STEAP3: variants seen among roughly 807,000 people sequenced by gnomAD.
STEAP3 encodes metalloreductase STEAP3.
In STEAP3, 35 loss-of-function variants were observed where a neutral mutation model predicts 34.9. The observed-to-expected ratio is 1.00, with a 90% confidence interval of 0.76 to 1.33. The LOEUF (loss-of-function observed/expected upper bound fraction) is 1.33. STEAP3 is among the 40% of genes most tolerant of loss of function. The pLI is 0.00. For synonymous variants in STEAP3, 281 were observed against 301.6 expected (o/e 0.93, Z 0.71); for missense variants, 652 against 667.6 (o/e 0.98, Z 0.26).
chr2:119,233,751 C>T (rs563882937), intron 2 of STEAP3, among the ~76,000 whole-genome samples: 15 of 152,322 alleles, frequency 9.8e-5, no homozygotes, highest in African/African-American at 3.1e-4. Flanking sequence ...AGTCCCAGAG[C>T]GTGAAGTCCT....
chr2:119,231,088 T>C, intron 2 of STEAP3, 54 bp downstream of exon 2: 1 of 1,610,994 alleles, frequency 6.2e-7, no homozygotes, highest in Admixed American at 1.7e-5. Flanking sequence ...TGCAAACCCC[T>C]CCCACCAGCT....
chr2:119,238,500 G>C (rs1677152402), intron 2 of STEAP3, among the ~76,000 whole-genome samples: 1 of 152,120 alleles, frequency 6.6e-6, no homozygotes, highest in African/African-American at 2.4e-5. Flanking sequence ...TTAATACCGA[G>C]GTGTAAGAGT....
chr2:119,226,245 C>T (rs536484567), intron 1 of STEAP3, among the ~76,000 whole-genome samples: 1 of 152,314 alleles, frequency 6.6e-6, no homozygotes, highest in East Asian at 1.9e-4. Context: ...GGAAGCAGGT[C>T]ATTTGGGGAG....
chr2:119,247,596 T>C, intron 3 of STEAP3, 83 bp from the exon 4 acceptor site: 1 of 1,428,100 alleles, frequency 7.0e-7, no homozygotes, highest in Non-Finnish European at 9.2e-7. Flanking sequence ...CCTCTGGCCC[T>C]CGGTTTCCTC....
At chr2:119,247,515 C>A (rs908764287) in intron 3 of STEAP3, among the ~76,000 whole-genome samples, 164 bp from the exon 4 acceptor site, 8 of 152,214 alleles carry the variant, frequency 5.3e-5, no homozygotes, top group South Asian at 2.1e-4. Flanking sequence ...AGACCCCTAG[C>A]CTGGGAGCTA....
Position 119,264,841 on chromosome 2 carries a change from T to A in STEAP3, c.*1503T>A, listed in dbSNP as rs1239481787. 1 of 150,454 alleles carries A rather than the reference T, an allele frequency of 6.6e-6. No individual in the cohort carries two copies. 9.3% of individuals were successfully genotyped at this position (150,454 alleles called of 1,614,324 possible). ...CAGGGAGGTTTCATGAGCTCATGTC[T>A]ATGCAGCACATAAGGGTTCTTCAGT... On this transcript the variant is annotated 3_prime_UTR_variant, in exon 6 of 6. Coordinates refer to ENST00000393110, the MANE Select transcript of STEAP3 (RefSeq NM_182915.3).
chr2:119,254,970 T>A (rs1050541133), intron 5 of STEAP3, 122 bp downstream of exon 5: 84 of 1,276,718 alleles, frequency 6.6e-5, no homozygotes, highest in Non-Finnish European at 8.4e-5. Context: ...GACCACTCGG[T>A]GAGATGCCAG....
intron 5 of STEAP3, 145 bp downstream of exon 5, chr2:119,254,993 CA>C: frequency 1.9e-6 from 2 of 1,056,904 alleles, no homozygotes; most frequent in Non-Finnish European, 2.7e-6. Flanking sequence ...CTTCCTGACC[CA>C]GAGGGCCCAT....
intron 2 of STEAP3, among the ~76,000 whole-genome samples, chr2:119,237,217 G>C (rs1677117883): frequency 6.6e-6 from 1 of 152,214 alleles, no homozygotes; most frequent in Non-Finnish European, 1.5e-5. Context: ...AGGTCAGCCA[G>C]CAAGGGCCCA....
chr2:119,248,458 A>G, intron 4 of STEAP3: 1 of 509,882 alleles, frequency 2.0e-6, no homozygotes, highest in South Asian at 3.1e-5. Flanking sequence ...AAAATACAGC[A>G]GTGAGTCATA....
intron 5 of STEAP3, chr2:119,257,696 G>T (rs981972455): frequency 7.1e-7 from 1 of 1,411,038 alleles, no homozygotes; most frequent in Non-Finnish European, 9.2e-7. Flanking sequence ...GAGGTAAGCT[G>T]CAACCTTCTC....
Sources: gnomAD v4.1 joint callset for allele counts (sites outside exome capture counted in the v4.1 genomes callset) on GRCh38, gnomAD v4.1.1 for gene constraint, MANE v1.5 for transcripts, NCBI Gene and HGNC (gene_info 2026-07-23, HGNC 2026-07-21) for gene names.